GNAZ: variants seen among roughly 807,000 people sequenced by gnomAD.
GNAZ encodes G protein subunit alpha z, also known as guanine nucleotide-binding protein G(z) subunit alpha.
In GNAZ, 3 loss-of-function variants were observed where a neutral mutation model predicts 25.4. That is an observed-to-expected ratio of 0.12 (90% confidence interval 0.05 to 0.30). GNAZ has a LOEUF of 0.30. Ranked by LOEUF, GNAZ falls within the 10% of genes least tolerant of loss-of-function variation. The pLI, the probability that GNAZ is intolerant of heterozygous loss-of-function variation, is 1.00. For missense variants in GNAZ, 241 were observed against 501.8 expected, an observed-to-expected ratio of 0.48 and a Z score of 4.97; for synonymous variants, 211 against 205.7, an observed-to-expected ratio of 1.03 and a Z score of -0.22.
intron 2 of GNAZ, among the ~76,000 whole-genome samples, chr22:23,119,178 A>C (rs771221369): frequency 6.6e-6 from 1 of 152,344 alleles, no homozygotes; most frequent in Non-Finnish European, 1.5e-5. Flanking sequence ...TCTGCACTCC[A>C]GGCTGCAAGA....
At chr22:23,085,017 C>T (rs919889609) in intron 1 of GNAZ, among the ~76,000 whole-genome samples, 1 of 152,184 alleles carries the variant, frequency 6.6e-6, no homozygotes, top group Non-Finnish European at 1.5e-5. Flanking sequence ...CTTGGGGCCA[C>T]CTGCCACTAG....
At chr22:23,085,479 C>T (rs2146285621) in intron 1 of GNAZ, among the ~76,000 whole-genome samples, 1 of 152,298 alleles carries the variant, frequency 6.6e-6, no homozygotes, top group East Asian at 1.9e-4. Context: ...AGGCCTCAGG[C>T]CTGGGCGCAC....
At chr22:23,072,914 C>G (rs1283757044) in intron 1 of GNAZ, among the ~76,000 whole-genome samples, 1 of 152,224 alleles carries the variant, frequency 6.6e-6, no homozygotes, top group East Asian at 1.9e-4. Flanking sequence ...GCTTCTAGAA[C>G]AATTCCAGGA....
intron 2 of GNAZ, among the ~76,000 whole-genome samples, chr22:23,105,026 A>T (rs549919503): frequency 6.6e-6 from 1 of 152,320 alleles, no homozygotes; most frequent in East Asian, 1.9e-4. Context: ...GCTCACCCTA[A>T]TCCCTGCTTC....
rs59350606 is a variant in GNAZ, at chr22:23,103,908, C to G, written c.723+7490C>G. On this transcript the variant is annotated intron_variant, in intron 2 of 2. Transcript: ENST00000615612. The stretch of plus-strand genomic sequence containing the variant: ...TGCCTACAAATGCTGGCCGCATGCT[C>G]TCTGTGACTGGCCCTGAGCCTGCCC... 1.8e-4 allele frequency among the ~76,000 whole-genome samples: 27 copies of G among 152,358 alleles called. 2 individuals are homozygous for G. The East Asian group carries it at 4.4e-3, about 25-fold the overall frequency.
Position 23,096,263 on chromosome 22 carries a change from TTCACCTTCAAGGAGC to T in GNAZ, c.580_594del (p.Glu194_Lys198del). On this transcript the variant is annotated inframe_deletion, in exon 2 of 3. Coordinates refer to ENST00000615612, the MANE Select transcript of GNAZ (RefSeq NM_002073.4). Reference sequence around the variant, plus strand: ...GACCACGGGCATTGTGGAGAACAAGTTCACCTTCAAGGAGCTCACCTTCAAGATGGTGGACGTGGG... The same window carrying T: ...GACCACGGGCATTGTGGAGAACAAGTTCACCTTCAAGATGGTGGACGTGGG... 6.2e-7 allele frequency: 1 copy of T among 1,614,008 alleles called. No individual in the cohort carries two copies. Among genetic ancestry groups the T allele is most frequent in the Non-Finnish European group, 8.5e-7 (1 of 1,180,030 alleles).
At chr22:23,087,980 A>G (rs1176350423) in intron 1 of GNAZ, among the ~76,000 whole-genome samples, 1 of 152,212 alleles carries the variant, frequency 6.6e-6, no homozygotes, top group Non-Finnish European at 1.5e-5. Flanking sequence ...CCCAGGCAAG[A>G]AGGAGGTCTG....
At chr22:23,073,631 C>A (rs1455317738) in intron 1 of GNAZ, among the ~76,000 whole-genome samples, 2 of 152,246 alleles carry the variant, frequency 1.3e-5, no homozygotes, top group Non-Finnish European at 2.9e-5. Context: ...AGGGGAGGCG[C>A]TTCACAGGAT....
intron 1 of GNAZ, among the ~76,000 whole-genome samples, chr22:23,088,907 A>G (rs538050772): frequency 3.3e-5 from 5 of 152,140 alleles, no homozygotes; most frequent in East Asian, 1.9e-4. Context: ...AGTGGCTTCT[A>G]TTGGGCCTCA....
chr22:23,111,749 A>G (rs2069665935), intron 2 of GNAZ, among the ~76,000 whole-genome samples: 1 of 152,214 alleles, frequency 6.6e-6, no homozygotes, highest in Non-Finnish European at 1.5e-5. Context: ...TCAGGGAGCC[A>G]GCAGGGTCGT....
intron 1 of GNAZ, among the ~76,000 whole-genome samples, chr22:23,087,587 G>C (rs2068853791): frequency 6.6e-6 from 1 of 152,226 alleles, no homozygotes; most frequent in Admixed American, 6.5e-5. Context: ...CAGGAGACCG[G>C]AGTGTTATTA....
chr22:23,085,450 A>T (rs1216178541), intron 1 of GNAZ, among the ~76,000 whole-genome samples: 1 of 152,188 alleles, frequency 6.6e-6, no homozygotes, highest in Non-Finnish European at 1.5e-5. Context: ...TCAGTTGCCC[A>T]TACAGATCTG....
chr22:23,093,975 G>A (rs2069055903), intron 1 of GNAZ, among the ~76,000 whole-genome samples: 1 of 152,204 alleles, frequency 6.6e-6, no homozygotes. Context: ...GGACAGTGAG[G>A]GGCACGGATG....
rs1003657330 is a variant in GNAZ, at chr22:23,071,768, G to A, written c.-450+1198G>A. 1.3e-5 allele frequency among the ~76,000 whole-genome samples: 2 copies of A among 152,202 alleles called. No individual in the cohort carries two copies. The highest frequency in any genetic ancestry group is 2.9e-5 in the Non-Finnish European group (2 of 68,040). On this transcript the variant is annotated intron_variant, in intron 1 of 2. Coordinates refer to ENST00000615612, the MANE Select transcript of GNAZ (RefSeq NM_002073.4). The surrounding 1 kb of genome is among the most constrained non-coding windows in gnomAD (Gnocchi z 4.1). ...GGCTGGGGGGTCAGGTGAGCTCGTG[G>A]GCAACATGACATTTGAACTGGAGCT...
intron 2 of GNAZ, among the ~76,000 whole-genome samples, chr22:23,118,943 G>C (rs1404470000): frequency 2.0e-5 from 3 of 152,218 alleles, no homozygotes; most frequent in Admixed American, 2.0e-4. Context: ...ACAAAGGCCA[G>C]ATGGGTGCAG....
chr22:23,083,236 G>T (rs151087008), intron 1 of GNAZ, among the ~76,000 whole-genome samples: 13 of 152,102 alleles, frequency 8.5e-5, no homozygotes, highest in African/African-American at 2.9e-4. Flanking sequence ...TGGGAGGCCT[G>T]GGGTATTGGG....
In GNAZ at chr22:23,095,875, C is replaced by A; in HGVS notation, c.180C>A (p.Gly60=). 6.2e-7 allele frequency: 1 copy of A among 1,613,766 alleles called. No individual in the cohort carries two copies. Among genetic ancestry groups the A allele is most frequent in the Non-Finnish European group, 8.5e-7 (1 of 1,180,016 alleles). ...AGATGAAGATCATCCACAGCGGCGG[C>A]TTCAACCTGGAGGCCTGCAAGGAGT... is the stretch of plus-strand genomic sequence containing the variant. ...VKQMKIIHSG[G]FNLEACKEYK... The change falls in exon 2 of 3, where the codon GGC becomes GGA. Residue 60 remains glycine (G), a synonymous_variant. Coordinates refer to ENST00000615612, the MANE Select transcript of GNAZ (RefSeq NM_002073.4).
intron 2 of GNAZ, among the ~76,000 whole-genome samples, chr22:23,101,313 C>T (rs1435257977): frequency 6.6e-6 from 1 of 152,114 alleles, no homozygotes; most frequent in Non-Finnish European, 1.5e-5. Flanking sequence ...TGGCCCCCCT[C>T]TTCACCATAC....
At chr22:23,098,354 T>A (rs977587814) in intron 2 of GNAZ, among the ~76,000 whole-genome samples, 2 of 152,354 alleles carry the variant, frequency 1.3e-5, no homozygotes, top group African/African-American at 4.8e-5. Context: ...TACTCCTCCA[T>A]CTAGTGATGT....
Sources: allele counts gnomAD v4.1 joint callset (sites outside exome capture counted in the v4.1 genomes callset), GRCh38; gene constraint gnomAD v4.1.1; non-coding constraint Gnocchi (gnomAD v3.1); transcripts MANE v1.5; gene names NCBI Gene and HGNC (gene_info 2026-07-23, HGNC 2026-07-21).